Variants in PGRMC2 observed in about 807,000 individuals in gnomAD.
PGRMC2 encodes the protein membrane-associated progesterone receptor component 2.
Under a neutral mutation model 19.3 loss-of-function variants are expected in PGRMC2, and 9 were observed. That is an observed-to-expected ratio of 0.47 (90% CI 0.28 to 0.81). The LOEUF (loss-of-function observed/expected upper bound fraction) is 0.81, where lower values mean the gene tolerates loss of function less well. Ranked by LOEUF, PGRMC2 falls within the 40% of genes least tolerant of loss-of-function variation. PGRMC2 has a pLI of 0.11. For missense variants in PGRMC2, 289 were observed against 297.3 expected, an observed-to-expected ratio of 0.97 and a Z score of 0.21; for synonymous variants, 157 against 124.6, an observed-to-expected ratio of 1.26 and a Z score of -1.73.
In PGRMC2 at chr4:128,270,186, A is replaced by G. The variant is rs1160692095; in HGVS notation, c.*1130T>C. ...TTATTAAAATGGTACTTGTATTTAC[A>G]GTATCTGCAGAAAGAGTCCCTTCCA... On this transcript the variant is annotated 3_prime_UTR_variant, in exon 3 of 3. Coordinates refer to ENST00000296425, the MANE Select transcript of PGRMC2 (RefSeq NM_006320.6). 1 of 152,658 alleles carries G rather than the reference A, an allele frequency of 6.6e-6. No individual in the cohort carries two copies. The highest frequency in any genetic ancestry group is 2.4e-5 in the African/African-American group (1 of 41,458). 9.5% of individuals were successfully genotyped at this position (152,658 alleles called of 1,614,324 possible). A position where few individuals can be genotyped will look rare whatever the true frequency, so the allele number is the denominator to read the frequency against.
chr4:128,273,163 T>C (rs1254616235), intron 1 of PGRMC2: 1 of 152,184 alleles, frequency 6.6e-6, no homozygotes, highest in East Asian at 1.9e-4. Context: ...TACAATGATC[T>C]ATATAAACTA....
chr4:128,272,388 A>G lies in PGRMC2; in HGVS notation c.548T>C (p.Val183Ala). The change falls in exon 2 of 3, where the codon GTT (valine) becomes GCT (alanine). Residue 183 changes from valine to alanine, a missense_variant. Transcript: ENST00000296425. Reference protein sequence around the residue: ...SDLNAVQMESVREWEMQFKEK... With the variant: ...SDLNAVQMESAREWEMQFKEK... ...TTTAAACTGCATTTCCCATTCTCGAACACTCTCCATTTGTACTGCATTCAA... is the reference window on the plus strand; with the variant it reads ...TTTAAACTGCATTTCCCATTCTCGAGCACTCTCCATTTGTACTGCATTCAA... 6.5e-7 allele frequency: 1 copy of G among 1,527,732 alleles called. No homozygotes were observed. The highest frequency in any genetic ancestry group is 8.8e-7 in the Non-Finnish European group (1 of 1,142,700). The allele number at this position is 1,527,732 out of a possible 1,614,324, so 94.6% of individuals were successfully genotyped here.
chr4:128,279,968 A>T (rs1461881032), intron 1 of PGRMC2, among the ~76,000 whole-genome samples: 2 of 152,098 alleles, frequency 1.3e-5, no homozygotes, highest in Non-Finnish European at 2.9e-5. Flanking sequence ...TACTTAATTT[A>T]AAAAATCATT....
At chr4:128,271,771 C>T (rs1209335401) in intron 2 of PGRMC2, among the ~76,000 whole-genome samples, 1 of 152,022 alleles carries the variant, frequency 6.6e-6, no homozygotes, top group East Asian at 1.9e-4. Context: ...TCCAAGGGAC[C>T]CAGGGGTCAG....
At chr4:128,281,548 T>C (rs1222372676) in intron 1 of PGRMC2, among the ~76,000 whole-genome samples, 8 of 151,940 alleles carry the variant, frequency 5.3e-5, no homozygotes, top group Non-Finnish European at 1.2e-4. Flanking sequence ...CAAAGAAAAG[T>C]AAGGTGAAGA....
intron 1 of PGRMC2, among the ~76,000 whole-genome samples, chr4:128,273,599 C>T (rs902548411): frequency 7.9e-5 from 12 of 152,112 alleles, no homozygotes; most frequent in African/African-American, 2.6e-4. Context: ...AATAAAAGAA[C>T]AAAGTATGTT....
chr4:128,286,879 A>C (rs1309648387), intron 1 of PGRMC2: 1 of 55,414 alleles, frequency 1.8e-5, no homozygotes, highest in Non-Finnish European at 5.0e-5. Context: ...GATCAGTGGC[A>C]AAAAAAAAAA....
intron 1 of PGRMC2, 160 bp from the exon 2 acceptor site, chr4:128,272,677 G>C: frequency 2.4e-6 from 1 of 408,174 alleles, no homozygotes; most frequent in Non-Finnish European, 4.1e-6. Flanking sequence ...ACAGATACTA[G>C]ATGGAATAAG....
chr4:128,286,586 G>GA lies in PGRMC2; in HGVS notation c.418+786dup, dbSNP rs1013107478. The GA allele has an allele frequency of 1.2e-3, 474 of 389,688 alleles. 1 individual carries two copies. Among genetic ancestry groups the GA allele is most frequent in the Non-Finnish European group, 6.5e-4 (145 of 221,380 alleles). The allele number at this position is 389,688 out of a possible 1,614,324, so 24.1% of individuals were successfully genotyped here. A position where few individuals can be genotyped will look rare whatever the true frequency, so the allele number is the denominator to read the frequency against. On this transcript the variant is annotated intron_variant, in intron 1 of 2. Coordinates refer to ENST00000296425, the MANE Select transcript of PGRMC2 (RefSeq NM_006320.6). ...CATTATCAACGTGTACTTGAAAAGA[G>GA]AAAAAAAAAGAAAAAAGAAACCAGA...
In PGRMC2 at chr4:128,271,399, C is replaced by T. The variant is rs1311757755; in HGVS notation, c.589G>A (p.Val197Ile). The T allele has an allele frequency of 1.3e-6, 2 of 1,587,076 alleles. No individual in the cohort carries two copies. The highest frequency in any genetic ancestry group is 1.3e-5 in the African/African-American group (1 of 74,350). Residue 197 changes from valine (V) to isoleucine (I), a missense_variant, in exon 3 of 3, where the codon GTA becomes ATA. Transcript: ENST00000296425. ...TCTCCTGGTTTTAGGAGTCTGCCTA[C>T]ATAATCATATTTTTCTGAAAGATAC... ...EMQFKEKYDYVGRLLKPGEEP... is the reference protein window; with the variant it reads ...EMQFKEKYDYIGRLLKPGEEP...
chr4:128,272,613 G>C, intron 1 of PGRMC2, 96 bp from the exon 2 acceptor site: 20 of 669,762 alleles, frequency 3.0e-5, no homozygotes, highest in East Asian at 6.8e-5. Context: ...ACACAACAAA[G>C]AAAAAAACCC....
At chr4:128,278,276 G>A (rs115463028) in intron 1 of PGRMC2, among the ~76,000 whole-genome samples, 260 of 152,240 alleles carry the variant, frequency 1.7e-3, no homozygotes, top group Middle Eastern at 3.4e-3. Flanking sequence ...TCCCCTGTTG[G>A]GGAAACATGT....
intron 1 of PGRMC2, among the ~76,000 whole-genome samples, chr4:128,280,681 T>C (rs947881496): frequency 4.6e-5 from 7 of 152,242 alleles, no homozygotes; most frequent in South Asian, 2.1e-4. Context: ...TCAAGGCTCA[T>C]TGATCTTCTG....
chr4:128,276,067 T>C (rs1290802032), intron 1 of PGRMC2, among the ~76,000 whole-genome samples: 6 of 152,150 alleles, frequency 3.9e-5, no homozygotes, highest in Non-Finnish European at 7.4e-5. Context: ...GGAACTAAAG[T>C]TGGAACTGGA....
intron 1 of PGRMC2, among the ~76,000 whole-genome samples, chr4:128,279,967 T>TA (rs547131401): frequency 2.0e-5 from 3 of 152,216 alleles, no homozygotes; most frequent in South Asian, 4.1e-4. Flanking sequence ...TTACTTAATT[T>TA]AAAAAATCAT....
At chr4:128,285,822 A>T (rs1452111416) in intron 1 of PGRMC2, among the ~76,000 whole-genome samples, 1 of 152,198 alleles carries the variant, frequency 6.6e-6, no homozygotes, top group African/African-American at 2.4e-5. Context: ...TAAGTAAACA[A>T]AAATGTATTA....
chr4:128,273,713 G>T (rs1474912172), intron 1 of PGRMC2, among the ~76,000 whole-genome samples: 2 of 152,198 alleles, frequency 1.3e-5, no homozygotes, highest in Non-Finnish European at 2.9e-5. Flanking sequence ...AAAGTTATGT[G>T]TCAAAAAGTC....
chr4:128,274,404 A>C (rs1760775307), intron 1 of PGRMC2, among the ~76,000 whole-genome samples: 1 of 151,548 alleles, frequency 6.6e-6, no homozygotes, highest in South Asian at 2.1e-4. Flanking sequence ...CCAGCTACTC[A>C]GGAGTCTGAG....
intron 1 of PGRMC2, among the ~76,000 whole-genome samples, chr4:128,276,565 C>G (rs148521765): frequency 1.2e-4 from 18 of 152,120 alleles, no homozygotes; most frequent in Admixed American, 1.2e-3. Context: ...TCAGGTGATC[C>G]GCCTACCTCA....
Sources: allele counts gnomAD v4.1 joint callset (sites outside exome capture counted in the v4.1 genomes callset), GRCh38; gene constraint gnomAD v4.1.1; transcripts MANE v1.5; gene names NCBI Gene and HGNC (gene_info 2026-07-23, HGNC 2026-07-21).